TRPC5: variants seen among roughly 807,000 people sequenced by gnomAD.
TRPC5 encodes the protein transient receptor potential cation channel subfamily C member 5.
A neutral mutation model predicts 56.5 loss-of-function variants in TRPC5; 9 were observed. That is an observed-to-expected ratio of 0.16 (90% CI 0.10 to 0.28). TRPC5 has a LOEUF of 0.28. TRPC5 is among the 10% of genes least tolerant of loss of function. TRPC5 has a pLI of 1.00. For missense variants in TRPC5, 469 were observed against 748.9 expected (o/e 0.63, Z 4.36); for synonymous variants, 282 against 278.5 (o/e 1.01, Z -0.13).
At chrX:111,944,267 A>AGTATGTGTGTGTGT (rs773983065) in intron 2 of TRPC5, among the ~76,000 whole-genome samples, 1,115 of 71,682 alleles carry the variant, frequency 0.016, 24 homozygotes, top group African/African-American at 0.024. Context: ...GGAGTAGAAG[A>AGTATGTGTGTGTGT]GTGTGTGTGT....
At chrX:111,794,477 G>A (rs1187688302) in intron 7 of TRPC5, among the ~76,000 whole-genome samples, 1 of 111,443 alleles carries the variant, frequency 9.0e-6, no homozygotes, top group Non-Finnish European at 1.9e-5. Context: ...TTTTTCCATT[G>A]TGTTTTATAG....
Position 111,775,400 on chromosome X carries a change from A to G in TRPC5, c.*913T>C, listed in dbSNP as rs373751569. On this transcript the variant is annotated 3_prime_UTR_variant, in exon 11 of 11. Transcript: ENST00000262839. ...TAGAAATTATTTGATAGCAATGATA[A>G]TTAAAACTATCAACAGTAGAATAGG... is the stretch of plus-strand genomic sequence containing the variant. The G allele has an allele frequency of 1.8e-5, 2 of 112,265 alleles. No individual in the cohort carries two copies. The highest frequency in any genetic ancestry group is 5.6e-4 in the East Asian group (2 of 3,590). 9.3% of individuals were successfully genotyped at this position (112,265 alleles called of 1,213,427 possible). A position where few individuals can be genotyped will look rare whatever the true frequency, so the allele number is the denominator to read the frequency against.
intron 1 of TRPC5, among the ~76,000 whole-genome samples, chrX:111,976,224 C>A (rs1927924783): frequency 9.0e-6 from 1 of 111,010 alleles, no homozygotes; most frequent in Non-Finnish European, 1.9e-5. Flanking sequence ...GGAGTTCGAG[C>A]CTAGCTTGGG....
intron 7 of TRPC5, among the ~76,000 whole-genome samples, chrX:111,832,846 G>A (rs763672414): frequency 2.7e-5 from 3 of 110,817 alleles, no homozygotes; most frequent in East Asian, 5.7e-4. Flanking sequence ...GATTATTTTC[G>A]CCCTTCCTAG....
At position 111,912,717 on chromosome X, in the gene TRPC5, G is replaced by C. The variant is rs1603095290; in HGVS notation, c.474C>G (p.Ile158Met). The change falls in exon 3 of 11, where the codon ATC (isoleucine) becomes ATG (methionine). Residue 158 changes from isoleucine to methionine, a missense_variant. Physicochemically the swap from Ile to Met is conservative, Grantham distance 10 (BLOSUM62 1). Transcript: ENST00000262839. ...LAAHTNNYEI[I>M]KLLVQKRVTI... ...TGACCCGTTTTTGGACAAGCAATTT[G>C]ATGATTTCGTAGTTGTTGGTGTGGG... The C allele has an allele frequency of 8.3e-7, 1 of 1,210,046 alleles. No homozygotes were observed.
chrX:111,944,304 G>GAA (rs1556592187), intron 2 of TRPC5, among the ~76,000 whole-genome samples: 1,020 of 70,188 alleles, frequency 0.015, 19 homozygotes, highest in African/African-American at 0.06. Flanking sequence ...GTGTGTGTGT[G>GAA]AGAGAGAGAG....
intron 4 of TRPC5, among the ~76,000 whole-genome samples, 169 bp downstream of exon 4, chrX:111,853,601 G>A (rs1330910492): frequency 9.0e-6 from 1 of 111,572 alleles, no homozygotes; most frequent in Non-Finnish European, 1.9e-5. Context: ...ACCAGTGCCC[G>A]GGACAGAAGG....
intron 1 of TRPC5, among the ~76,000 whole-genome samples, chrX:112,040,273 G>A (rs780010102): frequency 4.5e-5 from 5 of 112,121 alleles, no homozygotes; most frequent in Non-Finnish European, 5.6e-5. Flanking sequence ...TCATCAAAGG[G>A]ACCTTAATGT....
intron 6 of TRPC5, among the ~76,000 whole-genome samples, chrX:111,838,836 G>A (rs1021227464): frequency 4.5e-5 from 5 of 111,711 alleles, no homozygotes; most frequent in Non-Finnish European, 7.5e-5. Context: ...AATATTTGCC[G>A]AAAGTCTCAT....
intron 6 of TRPC5, among the ~76,000 whole-genome samples, chrX:111,843,813 G>C (rs1259559084): frequency 1.8e-5 from 2 of 109,303 alleles, no homozygotes; most frequent in East Asian, 5.8e-4. Context: ...GACCAGTCAA[G>C]AGTCTGTTGC....
chrX:112,062,347 C>CA (rs1930478326), intron 1 of TRPC5, among the ~76,000 whole-genome samples: 1 of 111,393 alleles, frequency 9.0e-6, no homozygotes, highest in African/African-American at 3.3e-5. Flanking sequence ...TACTTGGGTA[C>CA]AAAAAACATT....
intron 7 of TRPC5, among the ~76,000 whole-genome samples, chrX:111,792,597 C>T (rs751124296): frequency 2.8e-4 from 31 of 111,838 alleles, no homozygotes; most frequent in Non-Finnish European, 4.7e-4. Context: ...CAGCAGTGTC[C>T]CCACTTGCTA....
At chrX:112,077,800 G>A (rs1241145151) in intron 1 of TRPC5, among the ~76,000 whole-genome samples, 1 of 112,324 alleles carries the variant, frequency 8.9e-6, no homozygotes, top group East Asian at 2.8e-4. Flanking sequence ...GGGAAGGTAA[G>A]AATATCCGTC....
intron 7 of TRPC5, among the ~76,000 whole-genome samples, chrX:111,806,893 C>T (rs1162930553): frequency 5.4e-5 from 6 of 111,142 alleles, no homozygotes; most frequent in Non-Finnish European, 9.4e-5. Flanking sequence ...ATTCATGCTA[C>T]TCTCTCCTGG....
intron 1 of TRPC5, among the ~76,000 whole-genome samples, chrX:112,010,818 T>C (rs1032968730): frequency 9.0e-6 from 1 of 111,658 alleles, no homozygotes; most frequent in Non-Finnish European, 1.9e-5. Flanking sequence ...GGATAATAAA[T>C]GAGTTGATAT....
intron 1 of TRPC5, among the ~76,000 whole-genome samples, chrX:111,984,679 T>G (rs1928167731): frequency 8.9e-6 from 1 of 111,901 alleles, no homozygotes; most frequent in Admixed American, 9.5e-5. Flanking sequence ...ATATCATCAA[T>G]GTAATGAATT....
chrX:111,775,169 T>G lies in TRPC5; in HGVS notation c.*1144A>C, dbSNP rs1293895099. 2.7e-5 allele frequency: 3 copies of G among 111,958 alleles called. No homozygotes were observed. The highest frequency in any genetic ancestry group is 5.6e-5 in the Non-Finnish European group (3 of 53,208). The allele number at this position is 111,958 out of a possible 1,213,427, so 9.2% of individuals were successfully genotyped here. On this transcript the variant is annotated 3_prime_UTR_variant, in exon 11 of 11. Coordinates refer to ENST00000262839, the MANE Select transcript of TRPC5 (RefSeq NM_012471.3). ...TTCCATGAATCCACTAGGGTTGTTA[T>G]GATATATATCTAACATAATTTACAC...
intron 1 of TRPC5, among the ~76,000 whole-genome samples, chrX:111,971,987 C>A (rs1453658621): frequency 1.8e-5 from 2 of 111,817 alleles, no homozygotes; most frequent in Non-Finnish European, 3.8e-5. Flanking sequence ...TTCAATCCTC[C>A]TTCTCTCATG....
intron 6 of TRPC5, among the ~76,000 whole-genome samples, chrX:111,838,008 G>C (rs912972419): frequency 3.6e-5 from 4 of 109,626 alleles, no homozygotes; most frequent in African/African-American, 1.3e-4. Context: ...GGAATTTGAG[G>C]CTGCGGTGAG....
Sources: gnomAD v4.1 joint callset for allele counts (sites outside exome capture counted in the v4.1 genomes callset) on GRCh38, gnomAD v4.1.1 for gene constraint, MANE v1.5 for transcripts, NCBI Gene and HGNC (gene_info 2026-07-23, HGNC 2026-07-21) for gene names.